ELAVL2: variants seen among roughly 807,000 people sequenced by gnomAD.
ELAVL2 encodes ELAV like RNA binding protein 2.
ELAVL2 carries 4 observed loss-of-function variants against 34.6 expected under a neutral mutation model. The ratio of observed to expected loss-of-function variants is 0.12; its 90% CI spans 0.06 to 0.26. The LOEUF (loss-of-function observed/expected upper bound fraction) is 0.26, where lower values mean the gene tolerates loss of function less well. ELAVL2 is among the 10% of genes least tolerant of loss of function. The probability of loss-of-function intolerance (pLI) is 1.00; values close to 1 mark genes in which losing one functional copy is unlikely to be tolerated. For synonymous variants in ELAVL2, 193 were observed against 154.8 expected (o/e 1.25, Z -1.83); for missense variants, 432 against 442.8 (o/e 0.98, Z 0.22).
intron 1 of ELAVL2, among the ~76,000 whole-genome samples, chr9:23,772,167 C>G (rs1458936108): frequency 1.3e-5 from 2 of 152,140 alleles, no homozygotes; most frequent in African/African-American, 4.8e-5. Context: ...ACAAAAGTCA[C>G]AGCTATCAGG....
intron 3 of ELAVL2, among the ~76,000 whole-genome samples, chr9:23,719,750 G>C (rs908085119): frequency 6.6e-6 from 1 of 151,856 alleles, no homozygotes; most frequent in African/African-American, 2.4e-5. Flanking sequence ...CAAGACACTG[G>C]GTAGGGAAGG....
chr9:23,790,725 T>C (rs1243128613), intron 1 of ELAVL2, among the ~76,000 whole-genome samples: 1 of 152,248 alleles, frequency 6.6e-6, no homozygotes, highest in African/African-American at 2.4e-5. Context: ...TTTAATTTTA[T>C]GTTTTATATA....
intron 1 of ELAVL2, among the ~76,000 whole-genome samples, chr9:23,812,489 T>C (rs2063141891): frequency 6.6e-6 from 1 of 151,966 alleles, no homozygotes; most frequent in Non-Finnish European, 1.5e-5. Flanking sequence ...TTACTGATAT[T>C]CAATTCCCCA....
chr9:23,700,167 A>G (rs1198545089), intron 5 of ELAVL2, among the ~76,000 whole-genome samples: 1 of 152,196 alleles, frequency 6.6e-6, no homozygotes, highest in Non-Finnish European at 1.5e-5. Context: ...TTGGTAATTA[A>G]CTATTCTGTC....
chr9:23,800,536 C>T (rs2061456215), intron 1 of ELAVL2, among the ~76,000 whole-genome samples: 1 of 152,162 alleles, frequency 6.6e-6, no homozygotes, highest in Non-Finnish European at 1.5e-5. Flanking sequence ...AAATGCACTA[C>T]AGCCCTATAT....
At chr9:23,827,184 G>A (rs1366124395), upstream of ELAVL2, among the ~76,000 whole-genome samples, 2 of 152,192 alleles carry the variant, frequency 1.3e-5, no homozygotes, top group African/African-American at 4.8e-5. Flanking sequence ...ACAGTCCTTG[G>A]ACCACACATG....
chr9:23,692,913 T>C (rs771122690), intron 6 of ELAVL2, 29 bp from the exon 7 acceptor site: 2 of 1,589,716 alleles, frequency 1.3e-6, no homozygotes, highest in Non-Finnish European at 1.7e-6. Context: ...AATACACACA[T>C]ACACACAAAA....
chr9:23,827,684 G>T (rs1204385488), upstream of ELAVL2, among the ~76,000 whole-genome samples: 1 of 152,152 alleles, frequency 6.6e-6, no homozygotes, highest in East Asian at 1.9e-4. Flanking sequence ...AAGAGTTAGA[G>T]ATTGCAAAAG....
chr9:23,765,231 A>C, intron 1 of ELAVL2: 2 of 714,998 alleles, frequency 2.8e-6, no homozygotes, highest in Non-Finnish European at 4.5e-6. Flanking sequence ...ATTGAAATTG[A>C]GGCAATTCCA....
Position 23,789,582 on chromosome 9 carries a change from T to G in ELAVL2, c.-15-27333A>C, listed in dbSNP as rs113327215. Among the ~76,000 whole-genome samples, 760 of 152,306 alleles carry G rather than the reference T, an allele frequency of 5.0e-3. 5 individuals are homozygous for G. Among genetic ancestry groups the G allele is most frequent in the African/African-American group, 0.018 (737 of 41,568 alleles). On this transcript the variant is annotated intron_variant, in intron 1 of 6. Transcript: ENST00000397312. ...GCTTGGTCATCTGCACAACTTCCTA[T>G]TCAACTTTCATTTTCACAAACCTTA...
At chr9:23,839,112 C>T in the ELAVL2 span, among the ~76,000 whole-genome samples, 51 of 152,080 alleles carry the variant, frequency 3.4e-4, no homozygotes, top group African/African-American at 1.2e-3. Flanking sequence ...TATTATTTAT[C>T]TTATTAGATT....
intron 2 of ELAVL2, among the ~76,000 whole-genome samples, chr9:23,740,740 A>G (rs2048963210): frequency 6.6e-6 from 1 of 152,212 alleles, no homozygotes; most frequent in South Asian, 2.1e-4. Flanking sequence ...TACAAAACAG[A>G]TAGATGAGAG....
intron 2 of ELAVL2, among the ~76,000 whole-genome samples, chr9:23,749,396 T>C (rs2051321144): frequency 6.6e-6 from 1 of 152,144 alleles, no homozygotes; most frequent in South Asian, 2.1e-4. Flanking sequence ...AAATAGGGTT[T>C]TGTTCTGTAA....
chr9:23,778,625 C>G (rs2058598335), intron 1 of ELAVL2, among the ~76,000 whole-genome samples: 1 of 151,988 alleles, frequency 6.6e-6, no homozygotes. Context: ...GCCTAAATGT[C>G]AAATGTGCTA....
the ELAVL2 span, among the ~76,000 whole-genome samples, chr9:23,839,862 A>G: frequency 6.6e-5 from 10 of 152,198 alleles, no homozygotes; most frequent in Non-Finnish European, 1.3e-4. Flanking sequence ...TCACATGAAT[A>G]TAGTGGCTCT....
chr9:23,714,516 C>T (rs1348026858), intron 3 of ELAVL2, among the ~76,000 whole-genome samples: 4 of 152,206 alleles, frequency 2.6e-5, no homozygotes, highest in Non-Finnish European at 5.9e-5. Flanking sequence ...AAACATTCAA[C>T]ATCTATAAAT....
rs544448512 is a variant in ELAVL2, at chr9:23,739,755, C to A, written c.230-8630G>T. On this transcript the variant is annotated intron_variant, in intron 2 of 6. Coordinates refer to ENST00000397312, the MANE Select transcript of ELAVL2 (RefSeq NM_004432.5). ...GCTTGTGCGACCAGCTGGTGTCAAT[C>A]TTCACAAACATGCACTCTTGCCTGT... is the stretch of plus-strand genomic sequence containing the variant. Among the ~76,000 whole-genome samples the A allele has an allele frequency of 2.6e-5, 4 of 151,702 alleles. No individual in the cohort carries two copies. In the East Asian group the frequency reaches 7.8e-4, roughly 30 times the overall value.
At chr9:23,720,334 C>T (rs531035141) in intron 3 of ELAVL2, among the ~76,000 whole-genome samples, 3 of 151,992 alleles carry the variant, frequency 2.0e-5, no homozygotes, top group East Asian at 2.0e-4. Flanking sequence ...CCACCATGTT[C>T]GGCTAATTTT....
intron 1 of ELAVL2, among the ~76,000 whole-genome samples, chr9:23,816,200 AATT>A (rs1330821750): frequency 6.6e-6 from 1 of 151,818 alleles, no homozygotes; most frequent in Non-Finnish European, 1.5e-5. Context: ...AAGAACTTCC[AATT>A]TTACAATGAC....
Sources: gnomAD v4.1 joint callset for allele counts (sites outside exome capture counted in the v4.1 genomes callset) on GRCh38, gnomAD v4.1.1 for gene constraint, MANE v1.5 for transcripts, NCBI Gene and HGNC (gene_info 2026-07-23, HGNC 2026-07-21) for gene names.